SORCS1: variants seen among roughly 807,000 people sequenced by gnomAD.
SORCS1 encodes the protein VPS10 domain-containing receptor SorCS1.
In SORCS1, 60 loss-of-function variants were observed where a neutral mutation model predicts 146.1. The ratio of observed to expected loss-of-function variants is 0.41; its 90% CI spans 0.33 to 0.51. The LOEUF (loss-of-function observed/expected upper bound fraction) is 0.51. Ranked by LOEUF, SORCS1 falls within the 20% of genes least tolerant of loss-of-function variation. SORCS1 has a pLI of 0.21. For synonymous variants in SORCS1, 637 were observed against 584.0 expected, an observed-to-expected ratio of 1.09 and a Z score of -1.31; for missense variants, 1,352 against 1,487.6, an observed-to-expected ratio of 0.91 and a Z score of 1.50.
intron 3 of SORCS1, among the ~76,000 whole-genome samples, chr10:106,826,144 A>C (rs962520747): frequency 1.3e-5 from 2 of 152,244 alleles, no homozygotes; most frequent in African/African-American, 4.8e-5. Context: ...GCTGTTTCCA[A>C]CATGATGATT....
chr10:106,931,541 C>T (rs773096537), intron 2 of SORCS1, among the ~76,000 whole-genome samples: 1 of 152,156 alleles, frequency 6.6e-6, no homozygotes, highest in Non-Finnish European at 1.5e-5. Context: ...GCAATCTCCC[C>T]AAGTGCACAA....
At chr10:107,117,477 C>A (rs573065297) in intron 1 of SORCS1, among the ~76,000 whole-genome samples, 1 of 152,240 alleles carries the variant, frequency 6.6e-6, no homozygotes, top group African/African-American at 2.4e-5. Flanking sequence ...CAGGGCCCCC[C>A]AGAACTGTGA....
At chr10:106,745,719 G>A (rs1351529910) in intron 5 of SORCS1, among the ~76,000 whole-genome samples, 2 of 152,080 alleles carry the variant, frequency 1.3e-5, no homozygotes, top group East Asian at 1.9e-4. Context: ...ACAGAGTATG[G>A]GACAAGAAAA....
intron 10 of SORCS1, among the ~76,000 whole-genome samples, chr10:106,680,925 C>T (rs1034625961): frequency 3.3e-5 from 5 of 152,096 alleles, no homozygotes; most frequent in Admixed American, 6.6e-5. Context: ...TAAAAACAGC[C>T]AGAACGCTGG....
intron 3 of SORCS1, among the ~76,000 whole-genome samples, chr10:106,800,081 A>G (rs549412836): frequency 1.1e-4 from 17 of 152,218 alleles, no homozygotes; most frequent in Admixed American, 9.8e-4. Flanking sequence ...TGCCTGCCCT[A>G]TTTTTCTACA....
At chr10:107,035,455 G>A (rs1430651208) in intron 1 of SORCS1, among the ~76,000 whole-genome samples, 1 of 151,990 alleles carries the variant, frequency 6.6e-6, no homozygotes, top group African/African-American at 2.4e-5. Flanking sequence ...TTCAAGCAAC[G>A]CCATACCAGC....
At chr10:107,117,610 A>T (rs1221772106) in intron 1 of SORCS1, among the ~76,000 whole-genome samples, 3 of 152,198 alleles carry the variant, frequency 2.0e-5, no homozygotes, top group African/African-American at 7.2e-5. Context: ...TTGGAGGCAC[A>T]GCATGGAGCC....
chr10:106,993,666 T>C (rs977156384), intron 1 of SORCS1, among the ~76,000 whole-genome samples: 1 of 152,194 alleles, frequency 6.6e-6, no homozygotes, highest in African/African-American at 2.4e-5. Context: ...GTCAACACTT[T>C]GTTTGAATGT....
intron 2 of SORCS1, among the ~76,000 whole-genome samples, chr10:106,858,916 A>G (rs1949898346): frequency 6.6e-6 from 1 of 152,180 alleles, no homozygotes; most frequent in Non-Finnish European, 1.5e-5. Flanking sequence ...CAATGTATCC[A>G]ATATGTACCA....
intron 1 of SORCS1, among the ~76,000 whole-genome samples, chr10:107,102,673 T>C (rs771899445): frequency 6.6e-6 from 1 of 152,180 alleles, no homozygotes; most frequent in Non-Finnish European, 1.5e-5. Context: ...AGCATCTACA[T>C]CTTACATGCA....
chr10:107,046,805 T>C (rs1179230841), intron 1 of SORCS1, among the ~76,000 whole-genome samples: 1 of 152,132 alleles, frequency 6.6e-6, no homozygotes, highest in East Asian at 1.9e-4. Flanking sequence ...AAGCCTCTCA[T>C]GAGGACCCAA....
chr10:107,035,619 C>T (rs1215410045), intron 1 of SORCS1, among the ~76,000 whole-genome samples: 1 of 152,196 alleles, frequency 6.6e-6, no homozygotes, highest in Non-Finnish European at 1.5e-5. Context: ...GGCTCACTAA[C>T]TGATTGCAAA....
chr10:106,910,534 G>GT (rs1030473293), intron 2 of SORCS1, among the ~76,000 whole-genome samples: 1 of 152,114 alleles, frequency 6.6e-6, no homozygotes, highest in African/African-American at 2.4e-5. Context: ...CTGAAGAAAT[G>GT]TGTAGTATCC....
At chr10:106,808,738 A>G (rs1054294988) in intron 3 of SORCS1, among the ~76,000 whole-genome samples, 6 of 152,000 alleles carry the variant, frequency 3.9e-5, no homozygotes, top group Middle Eastern at 3.2e-3. Context: ...TCCTGACCTC[A>G]TGATCCGCCC....
At chr10:106,715,734 A>G (rs891062246) in intron 6 of SORCS1, among the ~76,000 whole-genome samples, 6 of 152,096 alleles carry the variant, frequency 3.9e-5, no homozygotes, top group African/African-American at 1.4e-4. Context: ...AGTGCTAAGG[A>G]TATTTCTACC....
chr10:107,097,692 C>T (rs1456966478), intron 1 of SORCS1, among the ~76,000 whole-genome samples: 4 of 152,190 alleles, frequency 2.6e-5, no homozygotes, highest in Admixed American at 6.5e-5. Flanking sequence ...GGCTCCCTCT[C>T]GATTCTGGTC....
intron 17 of SORCS1, 122 bp downstream of exon 17, chr10:106,667,567 G>A: frequency 1.6e-6 from 1 of 627,222 alleles, no homozygotes; most frequent in Non-Finnish European, 2.8e-6. Context: ...ATGAACAAAA[G>A]CAATTACATT....
At chr10:106,695,042 T>G (rs1436424815) in intron 9 of SORCS1, among the ~76,000 whole-genome samples, 2 of 152,110 alleles carry the variant, frequency 1.3e-5, no homozygotes, top group East Asian at 1.9e-4. Flanking sequence ...GCACATTTTT[T>G]TTTTGCTCTG....
intron 5 of SORCS1, among the ~76,000 whole-genome samples, chr10:106,739,466 CAGAG>C (rs529283891): frequency 2.1e-5 from 3 of 143,548 alleles, no homozygotes; most frequent in African/African-American, 5.1e-5. Flanking sequence ...GTCTGGGTGA[CAGAG>C]AGAGAGAGAC....
Sources: allele counts gnomAD v4.1 joint callset (sites outside exome capture counted in the v4.1 genomes callset), GRCh38; gene constraint gnomAD v4.1.1; transcripts MANE v1.5; gene names NCBI Gene and HGNC (gene_info 2026-07-23, HGNC 2026-07-21).